TBC1D22A: variants seen among roughly 807,000 people sequenced by gnomAD.
The protein encoded by TBC1D22A is putative GTPase activator.
Under a neutral mutation model 60.2 loss-of-function variants are expected in TBC1D22A, and 38 were observed. The ratio of observed to expected loss-of-function variants is 0.63; its 90% CI spans 0.49 to 0.83. TBC1D22A has a LOEUF of 0.83. TBC1D22A is among the 40% of genes least tolerant of loss of function. The pLI, the probability that TBC1D22A is intolerant of heterozygous loss-of-function variation, is 0.00. For synonymous variants in TBC1D22A, 302 were observed against 281.7 expected (o/e 1.07, Z -0.72); for missense variants, 628 against 701.0 (o/e 0.90, Z 1.18).
chr22:47,126,967 C>A (rs949619827), intron 12 of TBC1D22A, among the ~76,000 whole-genome samples: 2 of 152,158 alleles, frequency 1.3e-5, no homozygotes, highest in Non-Finnish European at 2.9e-5. Flanking sequence ...TCAGAGCTAC[C>A]GATTTTTCAC....
intron 4 of TBC1D22A, among the ~76,000 whole-genome samples, chr22:46,843,480 C>T (rs1290900561): frequency 7.1e-6 from 1 of 141,616 alleles, no homozygotes; most frequent in Non-Finnish European, 1.5e-5. Context: ...GTTATTAAGC[C>T]ACCTCAGCAT....
intron 4 of TBC1D22A, among the ~76,000 whole-genome samples, chr22:46,872,760 T>C (rs915836627): frequency 3.3e-5 from 5 of 152,018 alleles, no homozygotes; most frequent in Non-Finnish European, 5.9e-5. Context: ...AGGAGGGAAT[T>C]GTATAGGGAG....
At chr22:46,984,408 A>G (rs2074641776) in intron 9 of TBC1D22A, among the ~76,000 whole-genome samples, 1 of 126,318 alleles carries the variant, frequency 7.9e-6, no homozygotes, top group Non-Finnish European at 1.7e-5. Flanking sequence ...AAAAAAAAAG[A>G]GAAGTTCCAG....
intron 8 of TBC1D22A, among the ~76,000 whole-genome samples, chr22:46,962,338 G>A (rs1372961194): frequency 2.0e-5 from 3 of 151,388 alleles, no homozygotes; most frequent in African/African-American, 7.2e-5. Flanking sequence ...TTGCCAGTGA[G>A]CAGAGCTGAA....
intron 11 of TBC1D22A, among the ~76,000 whole-genome samples, chr22:47,086,400 A>T (rs1188123732): frequency 6.6e-6 from 1 of 152,218 alleles, no homozygotes; most frequent in African/African-American, 2.4e-5. Flanking sequence ...GGTTGCGGTG[A>T]GCTGAGATCG....
At chr22:46,948,551 G>A (rs780681216) in intron 8 of TBC1D22A, among the ~76,000 whole-genome samples, 29 of 152,190 alleles carry the variant, frequency 1.9e-4, no homozygotes, top group Non-Finnish European at 2.5e-4. Context: ...GTGTGTATTG[G>A]TCGATAACCC....
At chr22:46,850,102 G>A (rs550155402) in intron 4 of TBC1D22A, among the ~76,000 whole-genome samples, 243 of 152,316 alleles carry the variant, frequency 1.6e-3, no homozygotes, top group African/African-American at 5.5e-3. Context: ...TGCCTGCTGT[G>A]TGCTGGAGTG....
At chr22:46,902,137 A>T (rs2069042537) in intron 7 of TBC1D22A, among the ~76,000 whole-genome samples, 1 of 152,176 alleles carries the variant, frequency 6.6e-6, no homozygotes, top group Non-Finnish European at 1.5e-5. Context: ...CCCTCCTGGG[A>T]GCCTTCTGTG....
intron 11 of TBC1D22A, among the ~76,000 whole-genome samples, chr22:47,051,843 A>G (rs1264053581): frequency 2.6e-5 from 4 of 152,012 alleles, no homozygotes; most frequent in Admixed American, 6.5e-5. Flanking sequence ...GTATTCAGGG[A>G]TTCAGTTTGT....
intron 11 of TBC1D22A, among the ~76,000 whole-genome samples, chr22:47,053,352 C>T (rs922006644): frequency 6.6e-6 from 1 of 152,216 alleles, no homozygotes; most frequent in Non-Finnish European, 1.5e-5. Flanking sequence ...GAGGCAGAGC[C>T]TGGGGGCTTT....
chr22:47,165,714 A>G (rs935304316), intron 12 of TBC1D22A, among the ~76,000 whole-genome samples: 1 of 152,054 alleles, frequency 6.6e-6, no homozygotes, highest in African/African-American at 2.4e-5. Context: ...GGTCAAGAGA[A>G]ATGCCCGAGG....
rs549954872 is a variant in TBC1D22A, at chr22:47,069,769, G to A, written c.1329+32571G>A. On this transcript the variant is annotated intron_variant, in intron 11 of 12. Transcript: ENST00000337137. ...CGGAGCTGACCTGACGGTCCTGGCT[G>A]TTCCCTATTGTTTGGTTGGAGCAGA... Among the ~76,000 whole-genome samples, 12 of 97,194 alleles carry A rather than the reference G, an allele frequency of 1.2e-4. 2 individuals carry two copies. In the South Asian group the frequency reaches 4.9e-3, roughly 40 times the overall value. The allele number at this position is 97,194 out of a possible 152,430, so 63.8% of individuals were successfully genotyped here. A position where few individuals can be genotyped will look rare whatever the true frequency, so the allele number is the denominator to read the frequency against.
intron 12 of TBC1D22A, chr22:47,116,532 G>T (rs1030107199): frequency 6.6e-6 from 1 of 152,384 alleles, no homozygotes; most frequent in African/African-American, 2.4e-5. Flanking sequence ...GGAGGCTGGT[G>T]CAGGCGGCGA....
intron 1 of TBC1D22A, among the ~76,000 whole-genome samples, chr22:46,786,224 A>G (rs1601854550): frequency 1.3e-5 from 2 of 152,308 alleles, no homozygotes; most frequent in South Asian, 4.1e-4. Flanking sequence ...ATAATGAATG[A>G]GTATTGAATT....
intron 12 of TBC1D22A, among the ~76,000 whole-genome samples, chr22:47,153,719 A>G (rs556334199): frequency 3.3e-5 from 5 of 152,192 alleles, no homozygotes; most frequent in East Asian, 1.9e-4. Flanking sequence ...ACAGATTGCA[A>G]TGGCTGGGGG....
intron 11 of TBC1D22A, among the ~76,000 whole-genome samples, chr22:47,084,459 C>T (rs1296802884): frequency 6.6e-6 from 1 of 152,156 alleles, no homozygotes; most frequent in African/African-American, 2.4e-5. Context: ...TCTGCGGGGT[C>T]AGAGATGCAG....
At chr22:46,803,528 C>T (rs989655763) in intron 4 of TBC1D22A, among the ~76,000 whole-genome samples, 3 of 152,206 alleles carry the variant, frequency 2.0e-5, no homozygotes, top group Non-Finnish European at 4.4e-5. Context: ...CGTTCAGCGT[C>T]GCCCTCTAGT....
intron 4 of TBC1D22A, among the ~76,000 whole-genome samples, chr22:46,814,512 C>T (rs951335839): frequency 6.6e-6 from 1 of 152,324 alleles, no homozygotes; most frequent in South Asian, 2.1e-4. Context: ...TAAACTACCA[C>T]CCTGGATTCC....
At chr22:47,111,415 A>G in intron 11 of TBC1D22A, 93 bp from the exon 12 acceptor site, 1 of 1,154,066 alleles carries the variant, frequency 8.7e-7, no homozygotes, top group Admixed American at 2.1e-5. Flanking sequence ...CTGAACCCTG[A>G]CTAGATAAAC....
Sources: allele counts gnomAD v4.1 joint callset (sites outside exome capture counted in the v4.1 genomes callset), GRCh38; gene constraint gnomAD v4.1.1; transcripts MANE v1.5; gene names NCBI Gene and HGNC (gene_info 2026-07-23, HGNC 2026-07-21).